STX18: variants seen among roughly 807,000 people sequenced by gnomAD.
STX18 encodes syntaxin 18.
In STX18, 40 loss-of-function variants were observed where a neutral mutation model predicts 50.1. That is an observed-to-expected ratio of 0.80 (90% CI 0.62 to 1.04). The LOEUF (loss-of-function observed/expected upper bound fraction) is 1.04, where lower values mean the gene tolerates loss of function less well. STX18 is among the 50% of genes least tolerant of loss of function. STX18 has a pLI of 0.00. For missense variants in STX18, 410 were observed against 415.8 expected, an observed-to-expected ratio of 0.99 and a Z score of 0.12; for synonymous variants, 158 against 151.8, an observed-to-expected ratio of 1.04 and a Z score of -0.30.
At chr4:4,466,471 C>T (rs1019305916) in intron 2 of STX18, among the ~76,000 whole-genome samples, 12 of 152,122 alleles carry the variant, frequency 7.9e-5, no homozygotes, top group South Asian at 2.1e-4. Context: ...GAGGGAAGCA[C>T]GTGATTCCAT....
At chr4:4,470,225 G>C (rs1339358165) in intron 2 of STX18, among the ~76,000 whole-genome samples, 1 of 152,174 alleles carries the variant, frequency 6.6e-6, no homozygotes, top group Non-Finnish European at 1.5e-5. Context: ...CCTCAGTTTT[G>C]GGCCGGGTAA....
intron 2 of STX18, among the ~76,000 whole-genome samples, chr4:4,469,429 C>T (rs572681809): frequency 6.6e-6 from 1 of 152,112 alleles, no homozygotes; most frequent in East Asian, 1.9e-4. Context: ...AATGAAGCGA[C>T]AGGGCCTGTT....
intron 1 of STX18, chr4:4,507,837 A>G (rs1729798262): frequency 3.1e-6 from 2 of 634,962 alleles, no homozygotes; most frequent in Non-Finnish European, 2.6e-6. Flanking sequence ...AAAAAAAAAA[A>G]GTTAAAAAGC....
intron 1 of STX18, among the ~76,000 whole-genome samples, chr4:4,503,076 T>C (rs1303448059): frequency 6.6e-6 from 1 of 152,120 alleles, no homozygotes; most frequent in Non-Finnish European, 1.5e-5. Flanking sequence ...TAATAGAGAA[T>C]CTAACTGAGT....
intron 2 of STX18, among the ~76,000 whole-genome samples, chr4:4,468,645 T>C (rs1727748320): frequency 6.6e-6 from 1 of 152,078 alleles, no homozygotes. Context: ...TTGGCAAGGA[T>C]AGGGAGCAAT....
intron 1 of STX18, among the ~76,000 whole-genome samples, chr4:4,474,189 T>C (rs1201211782): frequency 1.3e-5 from 2 of 152,156 alleles, no homozygotes; most frequent in Non-Finnish European, 2.9e-5. Flanking sequence ...TCAGATCCCA[T>C]TCCCGCACAA....
intron 5 of STX18, among the ~76,000 whole-genome samples, chr4:4,444,947 T>C (rs1577328512): frequency 6.6e-6 from 1 of 152,074 alleles, no homozygotes; most frequent in African/African-American, 2.4e-5. Flanking sequence ...GGAAAAGATG[T>C]CCATCCTAAC....
chr4:4,459,090 A>ACACACACACACACACACACACACACACAC (rs1560174341), intron 3 of STX18, among the ~76,000 whole-genome samples: 1 of 150,354 alleles, frequency 6.7e-6, no homozygotes, highest in Non-Finnish European at 1.5e-5. Flanking sequence ...ACACACACAC[A>ACACACACACACACACACACACACACACAC]AATTTGTCTT....
chr4:4,442,163 T>C (rs1370495864), intron 5 of STX18, among the ~76,000 whole-genome samples: 1 of 152,156 alleles, frequency 6.6e-6, no homozygotes, highest in Non-Finnish European at 1.5e-5. Flanking sequence ...CAGACTCAAC[T>C]GCATATATGT....
intron 7 of STX18, among the ~76,000 whole-genome samples, chr4:4,427,983 A>G (rs2108776076): frequency 6.6e-6 from 1 of 152,232 alleles, no homozygotes; most frequent in East Asian, 1.9e-4. Context: ...GTGTTTAAAA[A>G]ACAAAAGGCC....
chr4:4,458,114 C>A (rs923349411), intron 3 of STX18, among the ~76,000 whole-genome samples: 1 of 152,148 alleles, frequency 6.6e-6, no homozygotes, highest in Non-Finnish European at 1.5e-5. Flanking sequence ...GTGCCTACTG[C>A]GTGCAGGTAC....
chr4:4,423,149 C>A (rs1035995570), intron 9 of STX18, among the ~76,000 whole-genome samples: 17 of 152,334 alleles, frequency 1.1e-4, no homozygotes, highest in Middle Eastern at 3.4e-3. Flanking sequence ...CAGAGAATAA[C>A]CCTGCAGGAG....
At position 4,457,084 on chromosome 4, in the gene STX18, A is replaced by C. The variant is rs1577339647; in HGVS notation, c.497+107T>G. On this transcript the variant is annotated intron_variant, in intron 5 of 10. Transcript: ENST00000306200. ...GCGCCAGCTATGGCATTTTGCGAAG[A>C]AGTTCAAACACGGTACATTGCATAG... is the stretch of plus-strand genomic sequence containing the variant. 1.3e-5 allele frequency: 14 copies of C among 1,068,014 alleles called. No individual in the cohort carries two copies. The South Asian group carries it at 1.9e-4, about 15-fold the overall frequency. The allele number at this position is 1,068,014 out of a possible 1,614,324, so 66.2% of individuals were successfully genotyped here. A position where few individuals can be genotyped will look rare whatever the true frequency, so the allele number is the denominator to read the frequency against.
At chr4:4,466,465 G>C (rs1727626422) in intron 2 of STX18, among the ~76,000 whole-genome samples, 1 of 152,290 alleles carries the variant, frequency 6.6e-6, no homozygotes, top group Admixed American at 6.5e-5. Flanking sequence ...TTTGAAGAGG[G>C]AAGCACGTGA....
intron 6 of STX18, among the ~76,000 whole-genome samples, chr4:4,435,922 G>A (rs574978578): frequency 1.2e-3 from 186 of 152,330 alleles, no homozygotes; most frequent in Non-Finnish European, 2.2e-3. Context: ...GGGAGCGGAG[G>A]GGAGAGGGAT....
At position 4,420,490 on chromosome 4, in the gene STX18, T is replaced by G; in HGVS notation, c.913-361A>C. 2.6e-6 allele frequency: 1 copy of G among 387,212 alleles called. No homozygotes were observed. The highest frequency in any genetic ancestry group is 4.7e-6 in the Non-Finnish European group (1 of 211,518). The allele number at this position is 387,212 out of a possible 1,614,324, so 24.0% of individuals were successfully genotyped here. A position where few individuals can be genotyped will look rare whatever the true frequency, so the allele number is the denominator to read the frequency against. ...CCTGAGGACTGAGCTTGGGAAACAG[T>G]CCCCTCAACAGGATGGCTGTAGTGT... is the stretch of plus-strand genomic sequence containing the variant. On this transcript the variant is annotated intron_variant, in intron 10 of 10. Transcript: ENST00000306200. This position sits in a 1 kb window ranked among gnomAD's most constrained non-coding sequence, Gnocchi z 4.3.
intron 5 of STX18, among the ~76,000 whole-genome samples, chr4:4,454,000 T>G (rs140354909): frequency 3.9e-5 from 6 of 152,372 alleles, no homozygotes; most frequent in African/African-American, 1.4e-4. Context: ...AAACATAGCA[T>G]AAATGACACT....
At chr4:4,501,046 ATAAAG>A (rs1729435097) in intron 1 of STX18, among the ~76,000 whole-genome samples, 1 of 152,252 alleles carries the variant, frequency 6.6e-6, no homozygotes, top group South Asian at 2.1e-4. Context: ...ATCAAAAAAA[ATAAAG>A]TAAAATAAAA....
Position 4,419,999 on chromosome 4 carries a change from A to G in STX18, c.*35T>C. ...GAAAGCACGCAGTCTGTGAGTGCCC[A>G]TGAGGACTCTCGTGCTGGGCCCCCG... On this transcript the variant is annotated 3_prime_UTR_variant, in exon 11 of 11. Transcript: ENST00000306200. The G allele has an allele frequency of 6.4e-7, 1 of 1,563,458 alleles. No individual in the cohort carries two copies. Among genetic ancestry groups the G allele is most frequent in the Middle Eastern group, 1.8e-4 (1 of 5,474 alleles).
Sources: gnomAD v4.1 joint callset for allele counts (sites outside exome capture counted in the v4.1 genomes callset) on GRCh38, gnomAD v4.1.1 for gene constraint, Gnocchi (gnomAD v3.1) non-coding constraint, MANE v1.5 for transcripts, NCBI Gene and HGNC (gene_info 2026-07-23, HGNC 2026-07-21) for gene names.